The following ARHGEF10 variants were observed in gnomAD, a reference collection of about 807,000 sequenced individuals.
ARHGEF10 encodes Rho guanine nucleotide exchange factor 10, also known as Rho guanine nucleotide exchange factor (GEF) 10.
ARHGEF10 carries 140 observed loss-of-function variants against 147.4 expected under a neutral mutation model. The observed-to-expected ratio is 0.95, with a 90% CI of 0.83 to 1.09. The LOEUF (loss-of-function observed/expected upper bound fraction) is 1.09, where lower values mean the gene tolerates loss of function less well. Among genes scored for constraint, ARHGEF10 ranks in the 50% least tolerant of loss-of-function variants. ARHGEF10 has a pLI of 0.00. For synonymous variants in ARHGEF10, 902 were observed against 695.8 expected (o/e 1.30, Z -4.67); for missense variants, 2,222 against 1,752.7 (o/e 1.27, Z -4.78).
chr8:1,908,294 G>A (rs1444886225), intron 17 of ARHGEF10, among the ~76,000 whole-genome samples: 3 of 141,692 alleles, frequency 2.1e-5, no homozygotes, highest in Middle Eastern at 4.1e-3. Context: ...GCTGTGGCTC[G>A]ATCTCAGCTC....
intron 11 of ARHGEF10, among the ~76,000 whole-genome samples, chr8:1,890,585 CTG>C (rs1809439596): frequency 7.3e-6 from 1 of 136,218 alleles, no homozygotes; most frequent in African/African-American, 2.9e-5. Flanking sequence ...GTGTAAGGGT[CTG>C]TGAGGAGACA....
rs1376139978 is a variant in ARHGEF10, at chr8:1,898,472, A to G, written c.1597A>G (p.Ser533Gly). ...CAGCCCCGATCGAACCACGCTCTAC[A>G]GCCTGATGATGAAGCCCATCCAGAG... is the stretch of plus-strand genomic sequence containing the variant. ...EASPDRTTLY[S>G]LMMKPIQRFP... is the part of the protein sequence containing the mutation. Residue 533 changes from serine to glycine, a missense_variant, in exon 15 of 29, where the codon AGC (serine) becomes GGC (glycine). By Grantham distance (56) the Ser-to-Gly change is moderately conservative (BLOSUM62 0). Transcript: ENST00000349830. 1.9e-6 allele frequency: 3 copies of G among 1,614,128 alleles called. No homozygotes were observed. In the Admixed American group the frequency reaches 5.0e-5, roughly 27 times the overall value.
intron 18 of ARHGEF10, among the ~76,000 whole-genome samples, chr8:1,917,409 T>A (rs1811839271): frequency 6.6e-6 from 1 of 152,230 alleles, no homozygotes; most frequent in Non-Finnish European, 1.5e-5. Flanking sequence ...TTTAAGATGC[T>A]GTGAGGGTGC....
At chr8:1,860,888 G>A (rs1049783076) in intron 4 of ARHGEF10, among the ~76,000 whole-genome samples, 3 of 152,152 alleles carry the variant, frequency 2.0e-5, no homozygotes, top group East Asian at 1.9e-4. Flanking sequence ...TGGAGGGGTG[G>A]TGGGGGTGGG....
At chr8:1,885,824 C>G in intron 11 of ARHGEF10, 117 bp downstream of exon 11, 2 of 825,956 alleles carry the variant, frequency 2.4e-6, no homozygotes, top group South Asian at 2.9e-5. Flanking sequence ...TGCATCCACT[C>G]GGGCCCTCCA....
At chr8:1,932,927 T>C (rs1813269916) in intron 25 of ARHGEF10, among the ~76,000 whole-genome samples, 1 of 152,254 alleles carries the variant, frequency 6.6e-6, no homozygotes, top group Non-Finnish European at 1.5e-5. Flanking sequence ...GTCGATGCCT[T>C]AATTAATGGT....
intron 9 of ARHGEF10, among the ~76,000 whole-genome samples, chr8:1,881,606 G>T (rs968037985): frequency 9.9e-5 from 15 of 151,520 alleles, no homozygotes; most frequent in African/African-American, 3.7e-4. Context: ...ATGGAGATGG[G>T]CTGGGGCAGG....
chr8:1,922,899 C>G (rs1406487542), intron 18 of ARHGEF10, 65 bp from the exon 19 acceptor site: 5 of 1,145,748 alleles, frequency 4.4e-6, no homozygotes, highest in East Asian at 4.7e-5. Flanking sequence ...TTTCTTCCCT[C>G]AAGTATTGGA....
In ARHGEF10 at chr8:1,929,457, C is replaced by T. The variant is rs751004926; in HGVS notation, c.3079+14C>T. On this transcript the variant is annotated intron_variant, in intron 25 of 28. Transcript: ENST00000349830. ...CCAGAGCCCCAGGTGAGGCGGGTCT[C>T]ACGGCCTCCTGGCCGGTCCTTGGGG... is the stretch of plus-strand genomic sequence containing the variant. 5 of 1,599,800 alleles carry T rather than the reference C, an allele frequency of 3.1e-6. No individual in the cohort carries two copies. In the Admixed American group the frequency reaches 5.1e-5, roughly 16 times the overall value.
chr8:1,865,374 C>T (rs1450829522), intron 5 of ARHGEF10, among the ~76,000 whole-genome samples: 58 of 147,298 alleles, frequency 3.9e-4, no homozygotes, highest in Admixed American at 2.2e-3. Context: ...CACCAGGACA[C>T]GGGGCATCCC....
At chr8:1,947,802 A>G (rs1814717539) in intron 27 of ARHGEF10, among the ~76,000 whole-genome samples, 1 of 128,366 alleles carries the variant, frequency 7.8e-6, no homozygotes. Flanking sequence ...CCGCCTCCCT[A>G]CTGCTGCTGC....
chr8:1,857,210 A>G (rs1175373386), intron 2 of ARHGEF10, among the ~76,000 whole-genome samples: 2 of 152,230 alleles, frequency 1.3e-5, no homozygotes, highest in African/African-American at 4.8e-5. Flanking sequence ...ATATTTAATT[A>G]AAATTGTAAA....
chr8:1,823,967 G>A lies in ARHGEF10; in HGVS notation c.-194G>A, dbSNP rs913083640. 6.8e-6 allele frequency: 1 copy of A among 147,954 alleles called. No individual in the cohort carries two copies. The highest frequency in any genetic ancestry group is 1.5e-5 in the Non-Finnish European group (1 of 66,972). The allele number at this position is 147,954 out of a possible 1,614,324, so 9.2% of individuals were successfully genotyped here. A position where few individuals can be genotyped will look rare whatever the true frequency, so the allele number is the denominator to read the frequency against. On this transcript the variant is annotated 5_prime_UTR_variant, in exon 1 of 29. Transcript: ENST00000349830. Reference sequence around the variant, plus strand: ...CCTGTAGCCGGCGGGCGCGCGATCCGGGACGGACGGGGTCGCGGGGGACGC... The same window carrying A: ...CCTGTAGCCGGCGGGCGCGCGATCCAGGACGGACGGGGTCGCGGGGGACGC...
In ARHGEF10 at chr8:1,908,934, G is replaced by A. The variant is rs569107273; in HGVS notation, c.1968-361G>A. On this transcript the variant is annotated intron_variant, in intron 17 of 28. Transcript: ENST00000349830. ...TTTGAGAGTTAACTCTTATGAAACC[G>A]CCAGAGAATATCTCTATCCACATAG... 9.2e-5 allele frequency among the ~76,000 whole-genome samples: 14 copies of A among 152,282 alleles called. No homozygotes were observed. In the East Asian group the frequency reaches 9.7e-4, roughly 11 times the overall value.
chr8:1,917,169 G>T (rs1176272446), intron 18 of ARHGEF10, among the ~76,000 whole-genome samples: 9 of 152,228 alleles, frequency 5.9e-5, no homozygotes, highest in African/African-American at 1.9e-4. Flanking sequence ...AGGTCAAAGA[G>T]TAGAACATTT....
In ARHGEF10 at chr8:1,909,293, A is replaced by G. The variant is rs1811166532; in HGVS notation, c.1968-2A>G. On this transcript the variant is annotated splice_acceptor_variant, in intron 17 of 28. Coordinates refer to ENST00000349830, the MANE Select transcript of ARHGEF10 (RefSeq NM_014629.4). LOFTEE classifies it high-confidence loss of function. ...AAAACAAGGATCTTTTGGTCGTTTC[A>G]GCCCCTCTCATGACAGCCGTGTGAT... 7 of 1,614,242 alleles carry G rather than the reference A, an allele frequency of 4.3e-6. 1 individual carries two copies. In the East Asian group the frequency reaches 1.3e-4, roughly 31 times the overall value.
At position 1,945,751 on chromosome 8, in the gene ARHGEF10, G is replaced by T. The variant is rs910181414; in HGVS notation, c.3397+96G>T. 6 of 1,515,342 alleles carry T rather than the reference G, an allele frequency of 4.0e-6. No individual in the cohort carries two copies. The African/African-American group carries it at 6.9e-5, about 17-fold the overall frequency. The allele number at this position is 1,515,342 out of a possible 1,614,324, so 93.9% of individuals were successfully genotyped here. On this transcript the variant is annotated intron_variant, in intron 27 of 28. Transcript: ENST00000349830. ...TCAGCCCACCTTAGCGCTTCCCAGT[G>T]CAGGACACTGTTCACAACATGCTGC...
intron 18 of ARHGEF10, among the ~76,000 whole-genome samples, chr8:1,922,191 C>T (rs1812345962): frequency 6.6e-6 from 1 of 151,650 alleles, no homozygotes; most frequent in African/African-American, 2.4e-5. Context: ...GAGCAATTCT[C>T]ACTTGGGCAA....
chr8:1,863,318 G>A (rs1806307830), intron 4 of ARHGEF10, among the ~76,000 whole-genome samples: 1 of 152,228 alleles, frequency 6.6e-6, no homozygotes, highest in African/African-American at 2.4e-5. Context: ...CCAGCTGTGT[G>A]GCAGCTCCTG....
Sources: allele counts gnomAD v4.1 joint callset (sites outside exome capture counted in the v4.1 genomes callset), GRCh38; gene constraint gnomAD v4.1.1; transcripts MANE v1.5; gene names NCBI Gene and HGNC (gene_info 2026-07-23, HGNC 2026-07-21).